Variants in NAT1 observed in about 807,000 individuals in gnomAD.
NAT1 encodes the protein arylamine N-acetyltransferase 1.
For missense variants in NAT1, 400 were observed against 339.2 expected (o/e 1.18, Z -1.41); for synonymous variants, 144 against 122.6 (o/e 1.17, Z -1.16).
intron 2 of NAT1, among the ~76,000 whole-genome samples, chr8:18,186,525 T>C (rs1045284364): frequency 1.3e-5 from 2 of 152,104 alleles, no homozygotes; most frequent in African/African-American, 4.8e-5. Context: ...TTTTGAAAAA[T>C]CTAATTTGGC....
intron 1 of NAT1, among the ~76,000 whole-genome samples, chr8:18,218,175 C>T (rs925553687): frequency 9.9e-5 from 15 of 152,046 alleles, no homozygotes; most frequent in South Asian, 6.2e-4. Flanking sequence ...TTCATATTCC[C>T]GGCCACAAGA....
chr8:18,171,642 A>G (rs1353358652), intron 2 of NAT1, among the ~76,000 whole-genome samples: 1 of 151,996 alleles, frequency 6.6e-6, no homozygotes, highest in Non-Finnish European at 1.5e-5. Context: ...AAAAACCTCC[A>G]AAAGAAAACA....
intron 1 of NAT1, among the ~76,000 whole-genome samples, chr8:18,214,459 G>A: frequency 1.3e-5 from 2 of 152,288 alleles, no homozygotes; most frequent in East Asian, 3.9e-4. Flanking sequence ...TACTTCACCA[G>A]TGGATATTTT....
chr8:18,199,725 T>C (rs1362904567), intron 2 of NAT1, among the ~76,000 whole-genome samples: 5 of 152,198 alleles, frequency 3.3e-5, no homozygotes, highest in Non-Finnish European at 5.9e-5. Context: ...GCTGCAGTTT[T>C]GGAAGTAGCT....
At chr8:18,196,101 C>A (rs1803220308) in intron 2 of NAT1, among the ~76,000 whole-genome samples, 1 of 151,870 alleles carries the variant, frequency 6.6e-6, no homozygotes, top group Non-Finnish European at 1.5e-5. Context: ...CAAAACATTA[C>A]ACTTTATACA....
intron 2 of NAT1, among the ~76,000 whole-genome samples, chr8:18,178,981 TC>T (rs1190524068): frequency 6.6e-6 from 1 of 152,134 alleles, no homozygotes; most frequent in Non-Finnish European, 1.5e-5. Context: ...AGAATACCTT[TC>T]CTCAACAGTT....
intron 2 of NAT1, among the ~76,000 whole-genome samples, chr8:18,191,331 T>G (rs1158577808): frequency 6.6e-6 from 1 of 152,188 alleles, no homozygotes; most frequent in Non-Finnish European, 1.5e-5. Context: ...TGTTTTTAGT[T>G]TAATAAAACC....
chr8:18,190,755 T>A (rs1184777987), intron 2 of NAT1, among the ~76,000 whole-genome samples: 1 of 151,950 alleles, frequency 6.6e-6, no homozygotes, highest in Non-Finnish European at 1.5e-5. Context: ...AAAAAATAAA[T>A]AAGTAAATAT....
chr8:18,178,328 G>C (rs1328743535), intron 2 of NAT1, among the ~76,000 whole-genome samples: 1 of 152,120 alleles, frequency 6.6e-6, no homozygotes, highest in Non-Finnish European at 1.5e-5. Flanking sequence ...AGAATATTAA[G>C]CTACTGAACA....
chr8:18,218,080 G>C (rs1804882146), intron 1 of NAT1, among the ~76,000 whole-genome samples: 1 of 152,110 alleles, frequency 6.6e-6, no homozygotes, highest in African/African-American at 2.4e-5. Context: ...AGGAAGACTG[G>C]GGAAGCTAAA....
chr8:18,190,995 G>A (rs1802959869), intron 2 of NAT1, among the ~76,000 whole-genome samples: 1 of 151,820 alleles, frequency 6.6e-6, no homozygotes, highest in Non-Finnish European at 1.5e-5. Flanking sequence ...TGAACCAGGA[G>A]GCAGAGTCTG....
intron 2 of NAT1, among the ~76,000 whole-genome samples, chr8:18,202,289 T>C (rs1225796240): frequency 6.6e-6 from 1 of 152,170 alleles, no homozygotes; most frequent in Non-Finnish European, 1.5e-5. Context: ...TCTATGGAAG[T>C]ACAAATTTAG....
chr8:18,190,944 G>C (rs1209072791), intron 2 of NAT1, among the ~76,000 whole-genome samples: 1 of 151,974 alleles, frequency 6.6e-6, no homozygotes, highest in Non-Finnish European at 1.5e-5. Context: ...GCACATGCCT[G>C]TAATCCCAGC....
upstream of NAT1, among the ~76,000 whole-genome samples, chr8:18,208,318 A>T (rs539935659): frequency 2.4e-4 from 36 of 152,186 alleles, no homozygotes; most frequent in Admixed American, 1.0e-3. Context: ...AGGAAGTAAA[A>T]AATAAGCCTA....
chr8:18,197,159 C>T (rs1803269121), intron 2 of NAT1, among the ~76,000 whole-genome samples: 1 of 152,176 alleles, frequency 6.6e-6, no homozygotes, highest in African/African-American at 2.4e-5. Flanking sequence ...GATCCATGAA[C>T]CACCCCCAGG....
chr8:18,210,478 C>T (rs1237350048), intron 1 of NAT1, among the ~76,000 whole-genome samples: 4 of 152,078 alleles, frequency 2.6e-5, no homozygotes, highest in Admixed American at 1.3e-4. Context: ...AATGGAGCTA[C>T]GAGTACTGCT....
At chr8:18,219,534 C>T (rs560884023) in intron 2 of NAT1, 45 bp downstream of exon 2, 4 of 1,066,192 alleles carry the variant, frequency 3.8e-6, no homozygotes, top group Non-Finnish European at 4.2e-6. Context: ...TTCCTAAGCA[C>T]GTTCACTCTG....
intron 1 of NAT1, chr8:18,212,159 T>C (rs1337395206): frequency 6.6e-6 from 1 of 152,206 alleles, no homozygotes; most frequent in East Asian, 1.9e-4. Flanking sequence ...AATTGAACAA[T>C]GAGTTCTGCA....
intron 2 of NAT1, among the ~76,000 whole-genome samples, chr8:18,221,291 C>T (rs28359533): frequency 1.1e-3 from 170 of 149,554 alleles, no homozygotes; most frequent in Non-Finnish European, 1.7e-3. Context: ...CAAATCTTAG[C>T]GAGTGTTTTT....
Sources: gnomAD v4.1 joint callset for allele counts (sites outside exome capture counted in the v4.1 genomes callset) on GRCh38, gnomAD v4.1.1 for gene constraint, MANE v1.5 for transcripts, NCBI Gene and HGNC (gene_info 2026-07-23, HGNC 2026-07-21) for gene names.